Variants in SETD1B observed in about 807,000 individuals in gnomAD.
SETD1B encodes SET domain containing 1B, histone lysine methyltransferase.
A neutral mutation model predicts 148.0 loss-of-function variants in SETD1B; 7 were observed. The observed-to-expected ratio is 0.05, with a 90% CI of 0.03 to 0.09. The LOEUF (loss-of-function observed/expected upper bound fraction) is 0.09. Among genes scored for constraint, SETD1B ranks in the 10% least tolerant of loss-of-function variants. The probability of loss-of-function intolerance (pLI) is 1.00; values close to 1 mark genes in which losing one functional copy is unlikely to be tolerated. For synonymous variants in SETD1B, 1,361 were observed against 1,186.5 expected (o/e 1.15, Z -3.02); for missense variants, 2,155 against 2,729.9 (o/e 0.79, Z 4.69).
Position 121,825,386 on chromosome 12 carries a change from A to T in SETD1B, c.5337+20A>T. 2 of 1,544,854 alleles carry T rather than the reference A, an allele frequency of 1.3e-6. No individual in the cohort carries two copies. Among genetic ancestry groups the T allele is most frequent in the Non-Finnish European group, 1.7e-6 (2 of 1,145,932 alleles). On this transcript the variant is annotated intron_variant, in intron 13 of 16. Coordinates refer to ENST00000604567, the MANE Select transcript of SETD1B (RefSeq NM_001353345.2). ...ACCCAGGTACTGCCAGGGCTCCTGG[A>T]CACATCAGAGCCTGCTGGGCTGGGC...
chr12:121,824,267 G>A (rs973518716), intron 12 of SETD1B, among the ~76,000 whole-genome samples: 11 of 152,192 alleles, frequency 7.2e-5, no homozygotes, highest in Non-Finnish European at 1.5e-4. Flanking sequence ...CATGAGGCTT[G>A]GCTGTTCACA....
intron 13 of SETD1B, among the ~76,000 whole-genome samples, chr12:121,825,965 T>G (rs1183431812): frequency 3.9e-5 from 6 of 152,124 alleles, no homozygotes; most frequent in Admixed American, 3.9e-4. Context: ...CTTTTTTTAA[T>G]CCAGTAAATA....
rs60212815 is a variant in SETD1B at position 121,810,316 on chromosome 12, C to G, written c.1371C>G (p.Pro457=). 3 of 1,544,210 alleles carry G rather than the reference C, an allele frequency of 1.9e-6. No homozygotes were observed. The highest frequency in any genetic ancestry group is 3.9e-5 in the Admixed American group (2 of 50,964). ...KPGTPPGPPP[P]DTNSMELGGR... is the part of the protein sequence containing the mutation. Reference sequence around the variant, plus strand: ...GCACGCCACCCGGCCCGCCGCCCCCCGACACCAACAGCATGGAGCTGGGCG... The same window carrying G: ...GCACGCCACCCGGCCCGCCGCCCCCGGACACCAACAGCATGGAGCTGGGCG... The change falls in exon 6 of 17, where the codon CCC becomes CCG. Residue 457 remains proline, a synonymous_variant. Coordinates refer to ENST00000604567, the MANE Select transcript of SETD1B (RefSeq NM_001353345.2). The surrounding 1 kb of genome is among the most constrained non-coding windows in gnomAD (Gnocchi z 7.6).
Position 121,823,011 on chromosome 12 carries a change from C to T in SETD1B, c.4432C>T (p.Leu1478Phe), listed in dbSNP as rs1425759941. The change falls in exon 12 of 17, where the codon CTT becomes TTT. Residue 1478 changes from leucine (L) to phenylalanine (F), a missense_variant. Leu to Phe is a conservative substitution (Grantham distance 22). This residue lies in a region of SETD1B where 862 missense variants were observed against 873.8 expected (regional missense o/e 0.99). Transcript: ENST00000604567. ...LETGLPLPLP[L>F]PLPLPLALPA... ...GACGGGCCTGCCCCTCCCTCTGCCC[C>T]TTCCCCTGCCCTTGCCCTTGGCATT... is the stretch of plus-strand genomic sequence containing the variant. 1.3e-6 allele frequency: 2 copies of T among 1,523,488 alleles called. No homozygotes were observed. The highest frequency in any genetic ancestry group is 2.0e-5 in the Admixed American group (1 of 49,804). The allele number at this position is 1,523,488 out of a possible 1,614,324, so 94.4% of individuals were successfully genotyped here.
rs1461669150 is a variant in SETD1B at position 121,805,980 on chromosome 12, C to A, written c.419C>A (p.Thr140Asn). The change falls in exon 4 of 17, where the codon ACC (threonine) becomes AAC (asparagine). Residue 140 changes from threonine (T) to asparagine (N), a missense_variant. By Grantham distance (65) the Thr-to-Asn change is moderately conservative (BLOSUM62 0). Around this residue, in one of 11 missense-constraint regions of SETD1B, gnomAD observed 124 missense variants for 282.9 expected, o/e 0.44. Transcript: ENST00000604567. The surrounding 1 kb of genome is among the most constrained non-coding windows in gnomAD (Gnocchi z 4.2). Reference protein sequence around the residue: ...EEVEILYNPKTKKHLGIAKVV... With the variant: ...EEVEILYNPKNKKHLGIAKVV... The stretch of plus-strand genomic sequence containing the variant: ...GTGGAGATTTTGTACAACCCCAAGA[C>A]CAAGAAGCACCTGGGCATCGCCAAG... 1 of 1,551,556 alleles carries A rather than the reference C, an allele frequency of 6.4e-7. No individual in the cohort carries two copies. The highest frequency in any genetic ancestry group is 8.7e-7 in the Non-Finnish European group (1 of 1,146,986).
In SETD1B at chr12:121,804,653, C is replaced by CT. The variant is rs1295765335; in HGVS notation, c.-14-68dup. 1.5e-5 allele frequency: 21 copies of CT among 1,378,376 alleles called. No homozygotes were observed. The highest frequency in any genetic ancestry group is 2.0e-5 in the Non-Finnish European group (20 of 1,013,246). The allele number at this position is 1,378,376 out of a possible 1,614,324, so 85.4% of individuals were successfully genotyped here. A position where few individuals can be genotyped will look rare whatever the true frequency, so the allele number is the denominator to read the frequency against. On this transcript the variant is annotated intron_variant, in intron 1 of 16. Transcript: ENST00000604567. This position sits in a 1 kb window ranked among gnomAD's most constrained non-coding sequence, Gnocchi z 4.6. ...GGGGTGGGGGCCTGCCGATTGGATT[C>CT]TTTCGCGTGTGTGTAGAAGCGGCCG...
Position 121,804,597 on chromosome 12 carries a change from C to T in SETD1B, c.-14-127C>T. 3 of 747,702 alleles carry T rather than the reference C, an allele frequency of 4.0e-6. No homozygotes were observed. Among genetic ancestry groups the T allele is most frequent in the Non-Finnish European group, 6.4e-6 (3 of 466,412 alleles). 46.3% of individuals were successfully genotyped at this position (747,702 alleles called of 1,614,324 possible). On this transcript the variant is annotated intron_variant, in intron 1 of 16. Transcript: ENST00000604567. This position sits in a 1 kb window ranked among gnomAD's most constrained non-coding sequence, Gnocchi z 4.6. ...GTTTTGGGGGGAGCCAGCGAGACAG[C>T]TCCTTTCGGGGCGCGCTGGCAAGGT...
intron 10 of SETD1B, among the ~76,000 whole-genome samples, chr12:121,818,783 A>G (rs1191303783): frequency 2.0e-5 from 3 of 148,776 alleles, no homozygotes; most frequent in Non-Finnish European, 4.5e-5. Context: ...CTAGCTACTC[A>G]GGAGGCTGAG....
In SETD1B at chr12:121,808,680, T is replaced by G. The variant is rs1037847769; in HGVS notation, c.657+360T>G. Reference sequence around the variant, plus strand: ...TTTCCGGGGTCCTTAGTGTCTGGTGTCCTGGGCATGCCACTACCCCTAAAC... The same window carrying G: ...TTTCCGGGGTCCTTAGTGTCTGGTGGCCTGGGCATGCCACTACCCCTAAAC... On this transcript the variant is annotated intron_variant, in intron 5 of 16. Coordinates refer to ENST00000604567, the MANE Select transcript of SETD1B (RefSeq NM_001353345.2). This position sits in a 1 kb window ranked among gnomAD's most constrained non-coding sequence, Gnocchi z 5.3. 1.6e-4 allele frequency among the ~76,000 whole-genome samples: 24 copies of G among 152,174 alleles called. No homozygotes were observed. The highest frequency in any genetic ancestry group is 5.8e-4 in the African/African-American group (24 of 41,440).
intron 12 of SETD1B, 93 bp downstream of exon 12, chr12:121,823,842 C>T (rs960117438): frequency 5.5e-5 from 80 of 1,443,220 alleles, no homozygotes; most frequent in Non-Finnish European, 6.3e-5. Context: ...TGTAGCAGCC[C>T]GCGGTGCCCA....
intron 4 of SETD1B, among the ~76,000 whole-genome samples, chr12:121,807,346 G>A (rs937176647): frequency 2.5e-4 from 37 of 150,276 alleles, no homozygotes; most frequent in African/African-American, 7.6e-4. Flanking sequence ...GCTGCAGCAC[G>A]ATTTCTCCCT....
rs763273149 is a variant in SETD1B, at chr12:121,823,364, T to A, written c.4785T>A (p.Pro1595=). ...PLPPQPPPPP[P]PPPVEPTKLP... ...CCCCCCAGCCACCCCCACCCCCACC[T>A]CCCCCACCTGTAGAGCCCACCAAGC... Residue 1595 remains proline, a synonymous_variant, in exon 12 of 17, where the codon CCT becomes CCA. Transcript: ENST00000604567. 2 of 249,264 alleles carry A rather than the reference T, an allele frequency of 8.0e-6. No individual in the cohort carries two copies. Among genetic ancestry groups the A allele is most frequent in the East Asian group, 2.6e-4 (1 of 3,918 alleles). The allele number at this position is 249,264 out of a possible 1,614,324, so 15.4% of individuals were successfully genotyped here.
Position 121,814,516 on chromosome 12 carries a change from G to T in SETD1B, c.2301G>T (p.Gln767His), listed in dbSNP as rs545932945. ...QVDMSHVLGG[Q>H]WGGMPMSFQM... is the part of the protein sequence containing the mutation. ...ACATGAGCCACGTGCTGGGTGGCCA[G>T]TGGGGCGGCATGCCCATGTCCTTCC... The change falls in exon 7 of 17, where the codon CAG becomes CAT. Residue 767 changes from glutamine (Q) to histidine (H), a missense_variant. This residue lies in a region of SETD1B where 289 missense variants were observed against 423.7 expected (regional missense o/e 0.68). Transcript: ENST00000604567. The T allele has an allele frequency of 6.8e-7, 1 of 1,469,288 alleles. No homozygotes were observed. The highest frequency in any genetic ancestry group is 9.1e-7 in the Non-Finnish European group (1 of 1,104,732). The allele number at this position is 1,469,288 out of a possible 1,614,324, so 91.0% of individuals were successfully genotyped here.
chr12:121,830,317 G>A lies in SETD1B; in HGVS notation c.*78G>A. On this transcript the variant is annotated 3_prime_UTR_variant, in exon 17 of 17. Transcript: ENST00000604567. This position sits in a 1 kb window ranked among gnomAD's most constrained non-coding sequence, Gnocchi z 5.7. ...GTGGAGCCCCTGGCCCCGGGGCCCG[G>A]CCCCCCGCGCCCGCCCCCATTTCAG... is the stretch of plus-strand genomic sequence containing the variant. 1 of 1,376,198 alleles carries A rather than the reference G, an allele frequency of 7.3e-7. No homozygotes were observed. The highest frequency in any genetic ancestry group is 9.8e-7 in the Non-Finnish European group (1 of 1,025,084). The allele number at this position is 1,376,198 out of a possible 1,614,324, so 85.2% of individuals were successfully genotyped here.
At chr12:121,796,997 A>G in the SETD1B span, among the ~76,000 whole-genome samples, 1 of 151,084 alleles carries the variant, frequency 6.6e-6, no homozygotes, top group East Asian at 1.9e-4. Flanking sequence ...AGATCACACC[A>G]TTGCCTGGGC....
intron 10 of SETD1B, 93 bp from the exon 11 acceptor site, chr12:121,819,311 G>A: frequency 6.6e-7 from 1 of 1,523,272 alleles, no homozygotes; most frequent in Middle Eastern, 1.7e-4. Flanking sequence ...TTCAGCCTGG[G>A]TGCCACCAGT....
intron 5 of SETD1B, 123 bp from the exon 6 acceptor site, chr12:121,809,480 C>A: frequency 9.2e-7 from 1 of 1,081,436 alleles, no homozygotes; most frequent in Non-Finnish European, 1.3e-6. Context: ...ACTTCCATTC[C>A]TTATGCTGCA....
chr12:121,820,005 T>A, intron 11 of SETD1B, 110 bp downstream of exon 11: 1 of 929,306 alleles, frequency 1.1e-6, no homozygotes. Context: ...CCAGCCTCAG[T>A]TTCCCGTGTA....
At chr12:121,800,686 C>A (rs1450424152), upstream of SETD1B, 21 of 149,046 alleles carry the variant, frequency 1.4e-4, no homozygotes, top group East Asian at 4.1e-3. Flanking sequence ...GCCACCGCCC[C>A]AGCCACGGGC....
Sources: gnomAD v4.1 joint callset for allele counts (sites outside exome capture counted in the v4.1 genomes callset) on GRCh38, gnomAD v4.1.1 for gene constraint, gnomAD v4.1.1 regional missense constraint, Gnocchi (gnomAD v3.1) non-coding constraint, MANE v1.5 for transcripts, NCBI Gene and HGNC (gene_info 2026-07-23, HGNC 2026-07-21) for gene names.